Variants in USP34 observed in about 807,000 individuals in gnomAD.
The protein encoded by USP34 is ubiquitin carboxyl-terminal hydrolase 34.
Under a neutral mutation model 460.3 loss-of-function variants are expected in USP34, and 70 were observed. The observed-to-expected ratio is 0.15, with a 90% confidence interval of 0.13 to 0.19. USP34 has a LOEUF of 0.19. Ranked by LOEUF, USP34 falls within the 10% of genes least tolerant of loss-of-function variation. The pLI is 1.00. For synonymous variants in USP34, 1,647 were observed against 1,405.3 expected, an observed-to-expected ratio of 1.17 and a Z score of -3.85; for missense variants, 3,985 against 4,236.2, an observed-to-expected ratio of 0.94 and a Z score of 1.65.
intron 41 of USP34, among the ~76,000 whole-genome samples, chr2:61,271,115 C>T (rs1307378814): frequency 1.1e-4 from 17 of 152,054 alleles, no homozygotes; most frequent in Admixed American, 1.1e-3. Flanking sequence ...GAAAACCCGC[C>T]TCTACAAAAA....
intron 1 of USP34, among the ~76,000 whole-genome samples, chr2:61,446,074 A>G (rs1185580697): frequency 7.0e-6 from 1 of 142,366 alleles, no homozygotes; most frequent in Admixed American, 7.6e-5. Flanking sequence ...GGATTGCACC[A>G]CTGCACTCCA....
chr2:61,278,477 A>T lies in USP34; in HGVS notation c.5257-34T>A, dbSNP rs755324723. The T allele has an allele frequency of 1.7e-5, 25 of 1,438,356 alleles. No homozygotes were observed. In the South Asian group the frequency reaches 3.4e-4, roughly 19 times the overall value. 89.1% of individuals were successfully genotyped at this position (1,438,356 alleles called of 1,614,324 possible). On this transcript the variant is annotated intron_variant, in intron 39 of 79. Transcript: ENST00000398571. ...AAAAAGAAAATAAAAATTCAAATAT[A>T]AATTTTTTATGTTTTACCAAACATA...
intron 49 of USP34, among the ~76,000 whole-genome samples, chr2:61,247,487 A>G (rs1337215173): frequency 6.6e-6 from 1 of 152,174 alleles, no homozygotes; most frequent in African/African-American, 2.4e-5. Flanking sequence ...AAGAAATATA[A>G]TGAAGCACAG....
intron 8 of USP34, among the ~76,000 whole-genome samples, chr2:61,372,335 G>A (rs1019524595): frequency 2.6e-5 from 4 of 151,898 alleles, no homozygotes; most frequent in Non-Finnish European, 5.9e-5. Flanking sequence ...CTGAAGTTAC[G>A]ATACATAAAA....
At chr2:61,319,897 A>C (rs999698184) in intron 21 of USP34, among the ~76,000 whole-genome samples, 1 of 152,220 alleles carries the variant, frequency 6.6e-6, no homozygotes, top group African/African-American at 2.4e-5. Context: ...TAACACTTTG[A>C]ATATTAAACA....
chr2:61,397,442 A>T (rs1271839774), intron 3 of USP34, among the ~76,000 whole-genome samples: 1 of 33,722 alleles, frequency 3.0e-5, no homozygotes, highest in Non-Finnish European at 7.0e-5. Context: ...GGCTCCATCT[A>T]AAAAAAAAAA....
At chr2:61,395,148 T>A (rs1693478473) in intron 4 of USP34, 35 bp downstream of exon 4, 1 of 1,484,972 alleles carries the variant, frequency 6.7e-7, no homozygotes, top group Non-Finnish European at 9.1e-7. Context: ...AAAAATAAAA[T>A]TTTCCATAAA....
chr2:61,323,463 C>T (rs867352080), intron 21 of USP34, among the ~76,000 whole-genome samples: 76 of 148,028 alleles, frequency 5.1e-4, no homozygotes, highest in African/African-American at 1.8e-3. Flanking sequence ...TGCAGGGAGC[C>T]GAGATTGTGC....
rs755783315 is a variant in USP34 at position 61,378,440 on chromosome 2, A to G, written c.1015-16T>C. 1 of 1,567,092 alleles carries G rather than the reference A, an allele frequency of 6.4e-7. No individual in the cohort carries two copies. The highest frequency in any genetic ancestry group is 8.6e-7 in the Non-Finnish European group (1 of 1,159,474). ...GGAGTTGATTCTATGATTAAAGACAAGAAATTAAGGGTTTTTATTTCCAAA... is the reference window on the plus strand; with the variant it reads ...GGAGTTGATTCTATGATTAAAGACAGGAAATTAAGGGTTTTTATTTCCAAA... On this transcript the variant is annotated splice_polypyrimidine_tract_variant and intron_variant, in intron 7 of 79. Transcript: ENST00000398571.
At chr2:61,251,742 CTT>C (rs1178276128) in intron 48 of USP34, among the ~76,000 whole-genome samples, 1 of 152,118 alleles carries the variant, frequency 6.6e-6, no homozygotes, top group African/African-American at 2.4e-5. Flanking sequence ...TGAAAAAAAT[CTT>C]TGCCAAATCC....
Position 61,311,633 on chromosome 2 carries a change from T to C in USP34, c.3724A>G (p.Thr1242Ala). ...DQVADLRAEV[T>A]HWYENLQKEQ... ...TTCTGTAAATTTTCATACCAATGAGTTACTTCAGCCCTAAGATCTGCTACC... is the reference window on the plus strand; with the variant it reads ...TTCTGTAAATTTTCATACCAATGAGCTACTTCAGCCCTAAGATCTGCTACC... Residue 1242 changes from threonine (T) to alanine (A), a missense_variant, in exon 27 of 80, where the codon ACT becomes GCT. Thr to Ala is a moderately conservative substitution (Grantham distance 58). Around this residue, in one of 14 missense-constraint regions of USP34, gnomAD observed 1,114 missense variants for 1,122.5 expected, o/e 0.99. Coordinates refer to ENST00000398571, the MANE Select transcript of USP34 (RefSeq NM_014709.4). 1 of 1,613,750 alleles carries C rather than the reference T, an allele frequency of 6.2e-7. No homozygotes were observed. The highest frequency in any genetic ancestry group is 8.5e-7 in the Non-Finnish European group (1 of 1,179,894).
At position 61,190,650 on chromosome 2, in the gene USP34, C is replaced by T. The variant is rs374568450; in HGVS notation, c.9597G>A (p.Met3199Ile). Reference protein sequence around the residue: ...WTELCQTQSAMSKNCIKLLCE... With the variant: ...WTELCQTQSAISKNCIKLLCE... Reference sequence around the variant, plus strand: ...ACAAAAGCTTGATGCAGTTTTTTGACATAGCAGACTAAAGTGGGGAGAAGA... The same window carrying T: ...ACAAAAGCTTGATGCAGTTTTTTGATATAGCAGACTAAAGTGGGGAGAAGA... The change falls in exon 77 of 80, where the codon ATG becomes ATA. Residue 3199 changes from methionine (M) to isoleucine (I), a missense_variant. Around this residue, in one of 14 missense-constraint regions of USP34, gnomAD observed 506 missense variants for 439.0 expected, o/e 1.15. Coordinates refer to ENST00000398571, the MANE Select transcript of USP34 (RefSeq NM_014709.4). 3.1e-6 allele frequency: 5 copies of T among 1,613,126 alleles called. No homozygotes were observed. The African/African-American group carries it at 6.7e-5, about 22-fold the overall frequency.
chr2:61,232,466 G>C lies in USP34; in HGVS notation c.7099C>G (p.Gln2367Glu). 1 of 1,607,270 alleles carries C rather than the reference G, an allele frequency of 6.2e-7. No homozygotes were observed. Among genetic ancestry groups the C allele is most frequent in the Non-Finnish European group, 8.5e-7 (1 of 1,178,076 alleles). ...PMQILIKCPN[Q>E]IVRQMFQRLC... is the part of the protein sequence containing the mutation. ...TTTTTCCTTACCTGTCTCACAATTT[G>C]ATTAGGGCACTTAATTAGTATCTGC... The change falls in exon 58 of 80, where the codon CAA becomes GAA. Residue 2367 changes from glutamine to glutamate, a missense_variant. Around this residue, in one of 14 missense-constraint regions of USP34, gnomAD observed 604 missense variants for 684.8 expected, o/e 0.88. Transcript: ENST00000398571.
chr2:61,392,275 G>C, intron 5 of USP34, among the ~76,000 whole-genome samples: 1 of 152,104 alleles, frequency 6.6e-6, no homozygotes, highest in Non-Finnish European at 1.5e-5. Flanking sequence ...GATCAAGGCT[G>C]CAGTCAGCTG....
chr2:61,343,726 A>C, intron 16 of USP34, 89 bp downstream of exon 16: 1 of 1,377,716 alleles, frequency 7.3e-7, no homozygotes, highest in Non-Finnish European at 1.0e-6. Context: ...AAGTACCATA[A>C]CCTTAACTAT....
intron 41 of USP34, among the ~76,000 whole-genome samples, chr2:61,268,957 A>G (rs534571383): frequency 5.3e-5 from 8 of 152,146 alleles, no homozygotes; most frequent in Non-Finnish European, 7.3e-5. Flanking sequence ...ATGTAATGTA[A>G]TAACTAAATA....
At chr2:61,196,983 G>C (rs375350413) in intron 75 of USP34, among the ~76,000 whole-genome samples, 3 of 152,208 alleles carry the variant, frequency 2.0e-5, no homozygotes, top group East Asian at 1.9e-4. Context: ...TACAAGTAAA[G>C]ATGGAAATAG....
At chr2:61,377,734 T>G (rs1406827392) in intron 8 of USP34, among the ~76,000 whole-genome samples, 1 of 152,208 alleles carries the variant, frequency 6.6e-6, no homozygotes, top group African/African-American at 2.4e-5. Flanking sequence ...AGTCATCCAA[T>G]CTACAGTACT....
At chr2:61,406,525 T>C (rs945010208) in intron 2 of USP34, among the ~76,000 whole-genome samples, 6 of 152,140 alleles carry the variant, frequency 3.9e-5, no homozygotes, top group Non-Finnish European at 5.9e-5. Context: ...ATAAGGAATT[T>C]TGTTGTCAAC....
Sources: allele counts gnomAD v4.1 joint callset (sites outside exome capture counted in the v4.1 genomes callset), GRCh38; gene constraint gnomAD v4.1.1; regional missense constraint gnomAD v4.1.1; transcripts MANE v1.5; gene names NCBI Gene and HGNC (gene_info 2026-07-23, HGNC 2026-07-21).